Variants in DDX50 observed in about 807,000 individuals in gnomAD.
DDX50 encodes the protein DExD-box helicase 50, also known as ATP-dependent RNA helicase DDX50.
A neutral mutation model predicts 94.8 loss-of-function variants in DDX50; 56 were observed. The observed-to-expected ratio is 0.59, with a 90% CI of 0.48 to 0.74. The LOEUF is 0.74. Ranked by LOEUF, DDX50 falls within the 30% of genes least tolerant of loss-of-function variation. The pLI is 0.00. For missense variants in DDX50, 713 were observed against 881.2 expected (o/e 0.81, Z 2.42); for synonymous variants, 264 against 295.4 (o/e 0.89, Z 1.09).
chr10:68,940,864 AC>A (rs1659160171), intron 12 of DDX50, among the ~76,000 whole-genome samples, 195 bp from the exon 13 acceptor site: 1 of 152,210 alleles, frequency 6.6e-6, no homozygotes, highest in African/African-American at 2.4e-5. Flanking sequence ...TTACAGCAAT[AC>A]ATAGGATAGT....
At position 68,911,240 on chromosome 10, in the gene DDX50, A is replaced by G; in HGVS notation, c.633A>G (p.Ser211=). 1 of 1,595,626 alleles carries G rather than the reference A, an allele frequency of 6.3e-7. No homozygotes were observed. Among genetic ancestry groups the G allele is most frequent in the Non-Finnish European group, 8.5e-7 (1 of 1,174,646 alleles). The change falls in exon 4 of 15, where the codon TCA becomes TCG. Residue 211 remains serine, a synonymous_variant. Coordinates refer to ENST00000373585, the MANE Select transcript of DDX50 (RefSeq NM_024045.2). ...AAGAAACAATTAAAAAAAGCCGCTC[A>G]CCAAAGGTAATCGTTATAGGGGGTA... is the stretch of plus-strand genomic sequence containing the variant. ...RNQETIKKSR[S]PKVLVLAPTR... is the part of the protein sequence containing the mutation.
intron 8 of DDX50, among the ~76,000 whole-genome samples, chr10:68,932,616 G>A (rs755643574): frequency 6.6e-6 from 1 of 152,074 alleles, no homozygotes; most frequent in Non-Finnish European, 1.5e-5. Flanking sequence ...ACTAGGAAGT[G>A]TATTTATAAT....
At chr10:68,909,104 G>GCT (rs777633921) in intron 2 of DDX50, among the ~76,000 whole-genome samples, 1 of 152,140 alleles carries the variant, frequency 6.6e-6, no homozygotes, top group Non-Finnish European at 1.5e-5. Flanking sequence ...GGAATTACAG[G>GCT]CATGAGCCAC....
At chr10:68,931,382 TAAAA>T (rs530913846) in intron 8 of DDX50, among the ~76,000 whole-genome samples, 1,334 of 100,088 alleles carry the variant, frequency 0.013, 44 homozygotes, top group African/African-American at 0.052. Context: ...GACGGATCAT[TAAAA>T]AAAAAAATAT....
At chr10:68,941,247 T>C (rs984699095) in intron 13 of DDX50, 53 bp downstream of exon 13, 2 of 1,589,230 alleles carry the variant, frequency 1.3e-6, no homozygotes, top group Non-Finnish European at 8.5e-7. Flanking sequence ...CCCAAATGTT[T>C]ACAAACACTA....
intron 8 of DDX50, among the ~76,000 whole-genome samples, chr10:68,930,042 T>C (rs1033320633): frequency 4.0e-5 from 6 of 148,240 alleles, no homozygotes; most frequent in African/African-American, 1.6e-4. Flanking sequence ...CTGGTCCCTT[T>C]CTTCCTTCCT....
intron 8 of DDX50, among the ~76,000 whole-genome samples, chr10:68,930,598 C>T (rs1842237906): frequency 6.6e-6 from 1 of 152,026 alleles, no homozygotes; most frequent in Admixed American, 6.6e-5. Context: ...CCAGCCTCAT[C>T]TTACACTTCC....
intron 10 of DDX50, among the ~76,000 whole-genome samples, 172 bp from the exon 11 acceptor site, chr10:68,935,834 C>CAAAACA (rs528746904): frequency 1.3e-5 from 2 of 151,760 alleles, no homozygotes; most frequent in Non-Finnish European, 1.5e-5. Context: ...GACTCTGTGT[C>CAAAACA]AAAACAAAAA....
intron 12 of DDX50, among the ~76,000 whole-genome samples, chr10:68,937,631 G>T (rs1447597820): frequency 6.8e-6 from 1 of 147,042 alleles, no homozygotes; most frequent in Non-Finnish European, 1.5e-5. Flanking sequence ...TGTTACCCAG[G>T]CTGGAGTGCA....
intron 6 of DDX50, 51 bp downstream of exon 6, chr10:68,913,627 A>G (rs928560455): frequency 6.6e-7 from 1 of 1,526,688 alleles, no homozygotes; most frequent in Non-Finnish European, 8.8e-7. Context: ...TCGATCTTAA[A>G]TGCAAACGAG....
chr10:68,907,076 C>A, intron 2 of DDX50, 69 bp downstream of exon 2: 2 of 1,422,436 alleles, frequency 1.4e-6, no homozygotes. Flanking sequence ...TTTTTTTAGG[C>A]TAATTAGAAT....
intron 7 of DDX50, among the ~76,000 whole-genome samples, chr10:68,917,546 A>AT (rs1841831035): frequency 1.3e-5 from 2 of 151,782 alleles, no homozygotes; most frequent in African/African-American, 4.8e-5. Context: ...ATTTTTCCTT[A>AT]TTTTTTTACT....
intron 7 of DDX50, among the ~76,000 whole-genome samples, chr10:68,917,272 C>T (rs1000956571): frequency 1.3e-5 from 2 of 151,812 alleles, no homozygotes; most frequent in African/African-American, 4.8e-5. Context: ...CCAGCCTGAC[C>T]AACATAGTGA....
At chr10:68,929,314 T>TTTCCTTCCTTCCTTCCTTCC (rs1491573175) in intron 8 of DDX50, among the ~76,000 whole-genome samples, 9 of 141,978 alleles carry the variant, frequency 6.3e-5, no homozygotes, top group African/African-American at 2.6e-4. Context: ...TCTCTCTCTC[T>TTTCCTTCCTTCCTTCCTTCC]TTCTTTCTCT....
intron 8 of DDX50, among the ~76,000 whole-genome samples, chr10:68,933,170 G>A (rs1386122758): frequency 2.0e-5 from 3 of 151,650 alleles, no homozygotes; most frequent in African/African-American, 7.3e-5. Context: ...CCGGGTTCAA[G>A]CTATTCTCCT....
chr10:68,903,167 C>T (rs1456583728), intron 1 of DDX50, among the ~76,000 whole-genome samples: 4 of 151,588 alleles, frequency 2.6e-5, no homozygotes, highest in Non-Finnish European at 4.4e-5. Flanking sequence ...CACTTTGGGA[C>T]GCTGAGATGG....
chr10:68,931,767 T>C lies in DDX50; in HGVS notation c.1240-2432T>C, dbSNP rs535523651. Among the ~76,000 whole-genome samples the C allele has an allele frequency of 1.8e-3, 278 of 152,158 alleles. 1 individual carries two copies. The highest frequency in any genetic ancestry group is 6.5e-3 in the African/African-American group (269 of 41,510). On this transcript the variant is annotated intron_variant, in intron 8 of 14. Coordinates refer to ENST00000373585, the MANE Select transcript of DDX50 (RefSeq NM_024045.2). ...CATGATATTTTTCTGCTTATAATCATTCAGTTGTTTCATATTGTCCTCAGG... is the reference window on the plus strand; with the variant it reads ...CATGATATTTTTCTGCTTATAATCACTCAGTTGTTTCATATTGTCCTCAGG...
At chr10:68,917,280 T>G (rs1271566057) in intron 7 of DDX50, among the ~76,000 whole-genome samples, 1 of 151,856 alleles carries the variant, frequency 6.6e-6, no homozygotes, top group African/African-American at 2.4e-5. Context: ...ACCAACATAG[T>G]GAAACCCTGT....
rs546554044 is a variant in DDX50, at chr10:68,911,269, G to A, written c.639+23G>A. 4 of 1,509,234 alleles carry A rather than the reference G, an allele frequency of 2.7e-6. No individual in the cohort carries two copies. The South Asian group carries it at 5.7e-5, about 22-fold the overall frequency. 93.5% of individuals were successfully genotyped at this position (1,509,234 alleles called of 1,614,324 possible). A position where few individuals can be genotyped will look rare whatever the true frequency, so the allele number is the denominator to read the frequency against. ...AAGGTAATCGTTATAGGGGGTAAAA[G>A]CTTTAAATGTTACTCTAACAGAAAG... On this transcript the variant is annotated intron_variant, in intron 4 of 14. Transcript: ENST00000373585.
Sources: allele counts gnomAD v4.1 joint callset (sites outside exome capture counted in the v4.1 genomes callset), GRCh38; gene constraint gnomAD v4.1.1; transcripts MANE v1.5; gene names NCBI Gene and HGNC (gene_info 2026-07-23, HGNC 2026-07-21).